Variants in MYO7A observed in about 807,000 individuals in gnomAD.
MYO7A encodes the protein unconventional myosin-VIIa.
MYO7A carries 210 observed loss-of-function variants against 263.8 expected under a neutral mutation model. That is an observed-to-expected ratio of 0.80 (90% CI 0.71 to 0.89). The LOEUF (loss-of-function observed/expected upper bound fraction) is 0.89. Ranked by LOEUF, MYO7A falls within the 40% of genes least tolerant of loss-of-function variation. The pLI is 0.00. For missense variants in MYO7A, 2,820 were observed against 2,968.3 expected, an observed-to-expected ratio of 0.95 and a Z score of 1.16; for synonymous variants, 1,239 against 1,197.3, an observed-to-expected ratio of 1.03 and a Z score of -0.72.
chr11:77,145,830 C>T (rs912885071), intron 3 of MYO7A, among the ~76,000 whole-genome samples: 1 of 152,200 alleles, frequency 6.6e-6, no homozygotes, highest in African/African-American at 2.4e-5. Context: ...CCCTGAGGGC[C>T]TGGGCAGGCT....
rs547006116 is a variant in MYO7A at position 77,194,481 on chromosome 11, C to G, written c.4280C>G (p.Thr1427Arg). The G allele has an allele frequency of 6.2e-7, 1 of 1,608,490 alleles. No individual in the cohort carries two copies. The highest frequency in any genetic ancestry group is 1.1e-5 in the South Asian group (1 of 89,590). Residue 1427 changes from threonine to arginine, a missense_variant, in exon 32 of 49, where the codon ACG becomes AGG. Transcript: ENST00000409709. Reference protein sequence around the residue: ...IPDREITPLKTLEKWAQLAIA... With the variant: ...IPDREITPLKRLEKWAQLAIA... Reference sequence around the variant, plus strand: ...GACCGCGAGATCACGCCCCTGAAGACGCTGGAGAAGTGGGCCCAGCTGGCC... The same window carrying G: ...GACCGCGAGATCACGCCCCTGAAGAGGCTGGAGAAGTGGGCCCAGCTGGCC...
intron 32 of MYO7A, among the ~76,000 whole-genome samples, chr11:77,196,771 A>G (rs1344945538): frequency 6.6e-6 from 1 of 152,038 alleles, no homozygotes; most frequent in African/African-American, 2.4e-5. Context: ...GCTGGCATAC[A>G]CATCCACCCT....
chr11:77,140,243 C>T (rs1951125481), intron 2 of MYO7A, among the ~76,000 whole-genome samples: 1 of 152,218 alleles, frequency 6.6e-6, no homozygotes, highest in South Asian at 2.1e-4. Context: ...TGCCTTCCAG[C>T]TGCCCTCAGC....
In MYO7A at chr11:77,181,779, GTTTTTT is replaced by G. The variant is rs782689084; in HGVS notation, c.2905-154_2905-149del. 1.9e-3 allele frequency among the ~76,000 whole-genome samples: 174 copies of G among 90,072 alleles called. 1 individual carries two copies. In the East Asian group the frequency reaches 0.029, roughly 15 times the overall value. 59.1% of individuals were successfully genotyped at this position (90,072 alleles called of 152,430 possible). ...ACGCCCTTCTCAAGTTTTTTTTTTT[GTTTTTT>G]TTTTTTTTTTTTTTTTTGAGATGGG... On this transcript the variant is annotated intron_variant, in intron 23 of 48. Coordinates refer to ENST00000409709, the MANE Select transcript of MYO7A (RefSeq NM_000260.4).
At position 77,198,097 on chromosome 11, in the gene MYO7A, C is replaced by T. The variant is rs3781693; in HGVS notation, c.4442-398C>T. Among the ~76,000 whole-genome samples, 79,409 of 152,172 alleles carry T rather than the reference C, an allele frequency of 0.52. 20,989 individuals carry two copies. The highest frequency in any genetic ancestry group is 0.59 in the Admixed American group (9,090 of 15,308). On this transcript the variant is annotated intron_variant, in intron 33 of 48. Coordinates refer to ENST00000409709, the MANE Select transcript of MYO7A (RefSeq NM_000260.4). The stretch of plus-strand genomic sequence containing the variant: ...TAAAAACCCACACAGGCCACTGGCT[C>T]AGCCATCCTCGGGCCATCGTTACTG...
At chr11:77,166,252 G>A in intron 15 of MYO7A, 90 bp downstream of exon 15, 2 of 1,134,706 alleles carry the variant, frequency 1.8e-6, no homozygotes, top group South Asian at 1.3e-5. Context: ...AGCTTCAGCT[G>A]AGCCCCCTGG....
chr11:77,204,041 C>G (rs776235460), intron 38 of MYO7A, 35 bp from the exon 39 acceptor site: 3 of 1,566,844 alleles, frequency 1.9e-6, no homozygotes, highest in Non-Finnish European at 1.7e-6. Flanking sequence ...AGTGCTCCCT[C>G]TATTCGGCAC....
In MYO7A at chr11:77,199,645, G is replaced by T; in HGVS notation, c.4679G>T (p.Cys1560Phe). ...PAGPCSPCWS[C>F]RGAKTTAPSF... is the part of the protein sequence containing the mutation. ...GGGCCCTGTTCTCCGTGTTGGTCCT[G>T]CAGGGGAGCGAAAACGACGGCCCCC... Residue 1560 changes from cysteine to phenylalanine, a missense_variant, in exon 35 of 49, where the codon TGC (cysteine) becomes TTC (phenylalanine). Physicochemically the swap from Cys to Phe is radical, Grantham distance 205. Transcript: ENST00000409709. The T allele has an allele frequency of 6.2e-7, 1 of 1,612,052 alleles. No homozygotes were observed.
intron 2 of MYO7A, among the ~76,000 whole-genome samples, chr11:77,140,201 G>A (rs1404289252): frequency 6.6e-6 from 1 of 152,174 alleles, no homozygotes; most frequent in Non-Finnish European, 1.5e-5. Flanking sequence ...CCTGTGCTGG[G>A]TTGAGGGATA....
intron 46 of MYO7A, chr11:77,212,278 G>A (rs1281008828): frequency 2.2e-6 from 1 of 447,938 alleles, no homozygotes; most frequent in African/African-American, 2.0e-5. Context: ...TAGAGGAGGT[G>A]ATATCTGAGC....
chr11:77,139,174 A>C (rs1555049183), intron 2 of MYO7A, among the ~76,000 whole-genome samples: 1 of 152,186 alleles, frequency 6.6e-6, no homozygotes, highest in East Asian at 1.9e-4. Flanking sequence ...TGAGTGCCTC[A>C]CCCAGAGAGA....
chr11:77,188,834 G>A (rs1401094261), intron 27 of MYO7A, among the ~76,000 whole-genome samples: 1 of 152,130 alleles, frequency 6.6e-6, no homozygotes, highest in Non-Finnish European at 1.5e-5. Flanking sequence ...AAATATACCA[G>A]AGACAAAGTC....
intron 22 of MYO7A, among the ~76,000 whole-genome samples, chr11:77,180,731 T>C (rs1955108965): frequency 6.6e-6 from 1 of 152,206 alleles, no homozygotes; most frequent in Non-Finnish European, 1.5e-5. Flanking sequence ...TTTCTAGTTG[T>C]TGAGATAACA....
At chr11:77,156,383 T>C (rs943595326) in intron 5 of MYO7A, among the ~76,000 whole-genome samples, 3 of 152,360 alleles carry the variant, frequency 2.0e-5, no homozygotes, top group East Asian at 3.9e-4. Context: ...CTATTTTCTT[T>C]TGGGCAGAGG....
At chr11:77,188,006 T>C (rs1471622985) in intron 27 of MYO7A, among the ~76,000 whole-genome samples, 2 of 152,212 alleles carry the variant, frequency 1.3e-5, no homozygotes, top group South Asian at 2.1e-4. Context: ...GCTGCAGGCG[T>C]GTCTCAGGGG....
intron 21 of MYO7A, 59 bp downstream of exon 21, chr11:77,180,012 C>T: frequency 6.8e-7 from 1 of 1,461,062 alleles, no homozygotes; most frequent in Non-Finnish European, 9.1e-7. Flanking sequence ...AGTGTCCATG[C>T]ATCACCCTCA....
Position 77,211,277 on chromosome 11 carries a change from G to C in MYO7A, c.6177G>C (p.Leu2059=). 6.3e-7 allele frequency: 1 copy of C among 1,580,542 alleles called. No homozygotes were observed. The highest frequency in any genetic ancestry group is 8.6e-7 in the Non-Finnish European group (1 of 1,163,420). The stretch of plus-strand genomic sequence containing the variant: ...CCTACTTCCCCAGCATCCCCAAGCT[G>C]CTGCGGGAGCTGGTGCCCCAGGACC... ...DKSYFPSIPK[L]LRELVPQDLI... Residue 2059 remains leucine (L), a synonymous_variant, in exon 45 of 49, where the codon CTG becomes CTC. Coordinates refer to ENST00000409709, the MANE Select transcript of MYO7A (RefSeq NM_000260.4).
chr11:77,161,585 A>AT (rs1953001249), intron 12 of MYO7A, among the ~76,000 whole-genome samples: 1 of 152,142 alleles, frequency 6.6e-6, no homozygotes, highest in African/African-American at 2.4e-5. Context: ...CTGGCAAGTC[A>AT]TATCAGTTCC....
Position 77,179,725 on chromosome 11 carries a change from G to A in MYO7A, c.2368-10G>A, listed in dbSNP as rs2135470921. The A allele has an allele frequency of 6.6e-7, 1 of 1,525,810 alleles. No homozygotes were observed. The highest frequency in any genetic ancestry group is 8.8e-7 in the Non-Finnish European group (1 of 1,131,538). The allele number at this position is 1,525,810 out of a possible 1,614,324, so 94.5% of individuals were successfully genotyped here. A position where few individuals can be genotyped will look rare whatever the true frequency, so the allele number is the denominator to read the frequency against. ...AGCAGGCTCTGAGCATGGGGTGGCT[G>A]TCCTTGCAGATGCGTCTGGGCTTCC... On this transcript the variant is annotated splice_polypyrimidine_tract_variant and intron_variant, in intron 20 of 48. Transcript: ENST00000409709.
Sources: allele counts gnomAD v4.1 joint callset (sites outside exome capture counted in the v4.1 genomes callset), GRCh38; gene constraint gnomAD v4.1.1; transcripts MANE v1.5; gene names NCBI Gene and HGNC (gene_info 2026-07-23, HGNC 2026-07-21).